The following GALNT13 variants were observed in gnomAD, a reference collection of about 807,000 sequenced individuals.
GALNT13 encodes polypeptide N-acetylgalactosaminyltransferase 13.
GALNT13 carries 28 observed loss-of-function variants against 64.2 expected under a neutral mutation model. That is an observed-to-expected ratio of 0.44 (90% CI 0.32 to 0.60). The LOEUF (loss-of-function observed/expected upper bound fraction) is 0.60. Ranked by LOEUF, GALNT13 falls within the 20% of genes least tolerant of loss-of-function variation. The pLI, the probability that GALNT13 is intolerant of heterozygous loss-of-function variation, is 0.05. For missense variants in GALNT13, 577 were observed against 669.8 expected, an observed-to-expected ratio of 0.86 and a Z score of 1.53; for synonymous variants, 214 against 224.6, an observed-to-expected ratio of 0.95 and a Z score of 0.42.
chr2:153,709,310 C>T, the GALNT13 span, among the ~76,000 whole-genome samples: 1 of 151,648 alleles, frequency 6.6e-6, no homozygotes, highest in Non-Finnish European at 1.5e-5. Flanking sequence ...AACAAAAAAA[C>T]CCAACTAAAA....
intron 11 of GALNT13, among the ~76,000 whole-genome samples, chr2:154,423,363 A>G (rs1032951512): frequency 2.0e-5 from 3 of 152,160 alleles, no homozygotes; most frequent in Non-Finnish European, 4.4e-5. Flanking sequence ...ATAGTGCCAC[A>G]ATAAACATAC....
intron 9 of GALNT13, among the ~76,000 whole-genome samples, chr2:154,370,947 GA>G (rs1323058855): frequency 6.6e-6 from 1 of 152,040 alleles, no homozygotes; most frequent in Non-Finnish European, 1.5e-5. Flanking sequence ...CCAACAAAGA[GA>G]ACCAAAGATG....
At chr2:153,203,230 A>T in the GALNT13 span, among the ~76,000 whole-genome samples, 6 of 152,358 alleles carry the variant, frequency 3.9e-5, no homozygotes, top group African/African-American at 1.4e-4. Flanking sequence ...TCCCTGCAAA[A>T]ACAGAGCAAT....
chr2:153,275,719 C>T, the GALNT13 span, among the ~76,000 whole-genome samples: 1 of 151,974 alleles, frequency 6.6e-6, no homozygotes, highest in Non-Finnish European at 1.5e-5. Context: ...TTTATTAATA[C>T]CTTATTGGTA....
chr2:154,335,945 T>C (rs1345663635), intron 9 of GALNT13, among the ~76,000 whole-genome samples: 1 of 152,104 alleles, frequency 6.6e-6, no homozygotes, highest in Non-Finnish European at 1.5e-5. Context: ...GTATTTTTTT[T>C]AGTGTTTACA....
chr2:153,446,201 G>A, the GALNT13 span, among the ~76,000 whole-genome samples: 1 of 152,166 alleles, frequency 6.6e-6, no homozygotes, highest in South Asian at 2.1e-4. Context: ...AATAAACCAG[G>A]TTGGAGATTT....
chr2:153,071,987 C>A, the GALNT13 span, among the ~76,000 whole-genome samples: 1 of 152,118 alleles, frequency 6.6e-6, no homozygotes, highest in Non-Finnish European at 1.5e-5. Flanking sequence ...GTAACTAGCT[C>A]GTCTCTGTTT....
At chr2:153,180,032 G>A in the GALNT13 span, among the ~76,000 whole-genome samples, 29 of 152,036 alleles carry the variant, frequency 1.9e-4, no homozygotes, top group Non-Finnish European at 3.1e-4. Flanking sequence ...TTTCTATTGC[G>A]TAATTGCTTT....
chr2:153,566,348 G>GTTTTTTTTTTTTTTTTTTTTTTTTTTTTT, the GALNT13 span, among the ~76,000 whole-genome samples: 7 of 74,800 alleles, frequency 9.4e-5, no homozygotes, highest in Non-Finnish European at 7.0e-5. Context: ...TTCTAATCAC[G>GTTTTTTTTTTTTTTTTTTTTTTTTTTTTT]TTTTTTTTTT....
intron 9 of GALNT13, among the ~76,000 whole-genome samples, chr2:154,326,822 T>C (rs1694900371): frequency 6.6e-6 from 1 of 152,140 alleles, no homozygotes; most frequent in Non-Finnish European, 1.5e-5. Flanking sequence ...TTGAGAAGCA[T>C]TGTCTAACAC....
chr2:153,281,280 A>C, the GALNT13 span, among the ~76,000 whole-genome samples: 1 of 150,706 alleles, frequency 6.6e-6, no homozygotes, highest in Non-Finnish European at 1.5e-5. Context: ...TGTTACATGT[A>C]AGATGAGTCT....
the GALNT13 span, among the ~76,000 whole-genome samples, chr2:153,637,611 C>G: frequency 6.6e-6 from 1 of 152,016 alleles, no homozygotes; most frequent in African/African-American, 2.4e-5. Flanking sequence ...TTCTTGGAGC[C>G]TTTAGATGCA....
intron 8 of GALNT13, among the ~76,000 whole-genome samples, chr2:154,279,548 G>A (rs1000454891): frequency 1.3e-5 from 2 of 152,132 alleles, no homozygotes; most frequent in African/African-American, 4.8e-5. Context: ...GCATTTGAAT[G>A]AGCATTTGAT....
intron 2 of GALNT13, among the ~76,000 whole-genome samples, chr2:153,935,701 T>G (rs1229531703): frequency 1.3e-5 from 2 of 152,198 alleles, no homozygotes; most frequent in Non-Finnish European, 2.9e-5. Context: ...AGATGACAAA[T>G]GGAACAGCAG....
the GALNT13 span, among the ~76,000 whole-genome samples, chr2:153,224,726 T>C: frequency 6.6e-6 from 1 of 152,194 alleles, no homozygotes; most frequent in Non-Finnish European, 1.5e-5. Flanking sequence ...GAAAACTGTT[T>C]TTCACGCAAT....
chr2:154,063,110 C>G (rs944639246), intron 3 of GALNT13, among the ~76,000 whole-genome samples: 40 of 151,870 alleles, frequency 2.6e-4, no homozygotes, highest in African/African-American at 9.7e-4. Flanking sequence ...TTTTGTCACC[C>G]TTTTTGTTTC....
chr2:153,446,578 G>C, the GALNT13 span, among the ~76,000 whole-genome samples: 1 of 152,128 alleles, frequency 6.6e-6, no homozygotes, highest in Non-Finnish European at 1.5e-5. Context: ...GAATCTATCA[G>C]ATTAATTCTG....
At chr2:154,333,098 A>G (rs949905543) in intron 9 of GALNT13, among the ~76,000 whole-genome samples, 3 of 151,902 alleles carry the variant, frequency 2.0e-5, no homozygotes, top group Non-Finnish European at 2.9e-5. Flanking sequence ...CTTCCCCCCA[A>G]TTAAGGAATG....
the GALNT13 span, among the ~76,000 whole-genome samples, chr2:153,087,346 G>A: frequency 6.6e-6 from 1 of 152,052 alleles, no homozygotes; most frequent in African/African-American, 2.4e-5. Flanking sequence ...GATCATGGTG[G>A]ATTATCTTTT....
Sources: allele counts gnomAD v4.1 joint callset (sites outside exome capture counted in the v4.1 genomes callset), GRCh38; gene constraint gnomAD v4.1.1; transcripts MANE v1.5; gene names NCBI Gene and HGNC (gene_info 2026-07-23, HGNC 2026-07-21).